CRACR2A: variants seen among roughly 807,000 people sequenced by gnomAD.
The protein encoded by CRACR2A is calcium release activated channel regulator 2A, also known as EF-hand calcium-binding domain-containing protein 4B.
Under a neutral mutation model 90.5 loss-of-function variants are expected in CRACR2A, and 79 were observed. The observed-to-expected ratio is 0.87, with a 90% CI of 0.73 to 1.05. The LOEUF (loss-of-function observed/expected upper bound fraction) is 1.05, where lower values mean the gene tolerates loss of function less well. Ranked by LOEUF, CRACR2A falls within the 50% of genes least tolerant of loss-of-function variation. CRACR2A has a pLI of 0.00. For missense variants in CRACR2A, 823 were observed against 897.2 expected, an observed-to-expected ratio of 0.92 and a Z score of 1.06; for synonymous variants, 338 against 356.7, an observed-to-expected ratio of 0.95 and a Z score of 0.59.
chr12:3,628,854 A>G (rs1425011898), intron 15 of CRACR2A, among the ~76,000 whole-genome samples: 1 of 152,164 alleles, frequency 6.6e-6, no homozygotes, highest in East Asian at 1.9e-4. Context: ...CAGTAAATGG[A>G]AACGGTCATC....
intron 4 of CRACR2A, among the ~76,000 whole-genome samples, chr12:3,682,121 A>T (rs55973127): frequency 0.1 from 15,219 of 152,258 alleles, 864 homozygotes; most frequent in African/African-American, 0.13. Context: ...AATAAGAAGC[A>T]TCACACCTGA....
chr12:3,659,791 T>C, intron 7 of CRACR2A, 137 bp from the exon 8 acceptor site: 1 of 673,360 alleles, frequency 1.5e-6, no homozygotes, highest in African/African-American at 1.8e-5. Flanking sequence ...CAGCCAACGC[T>C]ATAAGATCAG....
At chr12:3,724,167 C>T (rs950465934) in intron 2 of CRACR2A, among the ~76,000 whole-genome samples, 2 of 152,282 alleles carry the variant, frequency 1.3e-5, no homozygotes, top group Admixed American at 6.5e-5. Flanking sequence ...TTTCTCTACC[C>T]TTAAGGCCGT....
chr12:3,749,899 C>T (rs1946681010), intron 1 of CRACR2A, among the ~76,000 whole-genome samples: 1 of 151,198 alleles, frequency 6.6e-6, no homozygotes, highest in South Asian at 2.1e-4. Flanking sequence ...AATGCTAGAC[C>T]TGTCTATAGA....
intron 1 of CRACR2A, among the ~76,000 whole-genome samples, chr12:3,747,319 T>C (rs1055059109): frequency 1.3e-5 from 2 of 152,224 alleles, no homozygotes; most frequent in East Asian, 3.9e-4. Context: ...AGTTCATTTA[T>C]GCCAAACTCT....
chr12:3,656,679 C>T lies in CRACR2A; in HGVS notation c.763-273G>A, dbSNP rs148050143. 3.0e-3 allele frequency among the ~76,000 whole-genome samples: 460 copies of T among 152,158 alleles called. 1 individual carries two copies. The highest frequency in any genetic ancestry group is 0.012 in the South Asian group (58 of 4,818). On this transcript the variant is annotated intron_variant, in intron 8 of 19. Coordinates refer to ENST00000440314, the MANE Select transcript of CRACR2A (RefSeq NM_001144958.2). Reference sequence around the variant, plus strand: ...GACTGTGCACCACCACCCTCCTCTCCGCCAAAAAAGGGGCAGTGTCAGCCA... The same window carrying T: ...GACTGTGCACCACCACCCTCCTCTCTGCCAAAAAAGGGGCAGTGTCAGCCA...
In CRACR2A at chr12:3,633,367, A is replaced by G. The variant is rs1944407220; in HGVS notation, c.1735+237T>C. Among the ~76,000 whole-genome samples the G allele has an allele frequency of 6.6e-6, 1 of 152,158 alleles. No homozygotes were observed. The highest frequency in any genetic ancestry group is 2.4e-5 in the African/African-American group (1 of 41,430). On this transcript the variant is annotated intron_variant, in intron 15 of 19. Coordinates refer to ENST00000440314, the MANE Select transcript of CRACR2A (RefSeq NM_001144958.2). This position sits in a 1 kb window ranked among gnomAD's most constrained non-coding sequence, Gnocchi z 4.5. ...CATAAACCCAAGGTTGGACTTACAA[A>G]GTACTCAGGGGTCCCATCACACACA...
Position 3,746,323 on chromosome 12 carries a change from T to C in CRACR2A, c.-387+6692A>G, listed in dbSNP as rs534100963. 1.5e-4 allele frequency among the ~76,000 whole-genome samples: 23 copies of C among 151,624 alleles called. No individual in the cohort carries two copies. The South Asian group carries it at 4.8e-3, about 32-fold the overall frequency. The stretch of plus-strand genomic sequence containing the variant: ...GAGGGTGGGGCCCTCATGATGGGAT[T>C]AGTGCCCATCATGAAGAGACACCAG... On this transcript the variant is annotated intron_variant, in intron 1 of 19. Coordinates refer to ENST00000440314, the MANE Select transcript of CRACR2A (RefSeq NM_001144958.2). The surrounding 1 kb of genome is among the most constrained non-coding windows in gnomAD (Gnocchi z 4.4).
At chr12:3,740,492 C>A (rs1946508071) in intron 1 of CRACR2A, among the ~76,000 whole-genome samples, 1 of 152,126 alleles carries the variant, frequency 6.6e-6, no homozygotes. Context: ...GCCACTTAAC[C>A]CCTCTTATTT....
chr12:3,686,936 C>T (rs538170116), intron 4 of CRACR2A, among the ~76,000 whole-genome samples: 4 of 152,260 alleles, frequency 2.6e-5, no homozygotes, highest in African/African-American at 9.6e-5. Flanking sequence ...GAGTGTAGCA[C>T]ACATTGGGCT....
intron 1 of CRACR2A, among the ~76,000 whole-genome samples, chr12:3,743,147 T>C (rs1443331086): frequency 2.0e-5 from 3 of 152,262 alleles, no homozygotes; most frequent in Admixed American, 6.5e-5. Flanking sequence ...TTCAAACTTC[T>C]GTAAATAGGG....
At chr12:3,624,133 C>T (rs1258867812) in intron 17 of CRACR2A, among the ~76,000 whole-genome samples, 1 of 152,238 alleles carries the variant, frequency 6.6e-6, no homozygotes, top group Non-Finnish European at 1.5e-5. Flanking sequence ...CACACAACCT[C>T]TTCCAAGAGT....
chr12:3,680,670 T>G (rs1945431012), intron 4 of CRACR2A, among the ~76,000 whole-genome samples: 1 of 152,222 alleles, frequency 6.6e-6, no homozygotes, highest in South Asian at 2.1e-4. Flanking sequence ...CACTATTATC[T>G]CTGTTTTACA....
intron 5 of CRACR2A, 124 bp from the exon 6 acceptor site, chr12:3,679,222 TC>T: frequency 2.0e-6 from 2 of 985,110 alleles, no homozygotes; most frequent in Non-Finnish European, 2.9e-6. Flanking sequence ...GGAAAGCCCC[TC>T]CAGCAAAGAT....
chr12:3,702,034 A>G (rs1325019966), intron 3 of CRACR2A, among the ~76,000 whole-genome samples: 3 of 152,206 alleles, frequency 2.0e-5, no homozygotes, highest in Non-Finnish European at 4.4e-5. Context: ...AATGTAATTT[A>G]CCATATTAAC....
intron 1 of CRACR2A, among the ~76,000 whole-genome samples, chr12:3,748,342 T>G (rs1254912578): frequency 6.6e-6 from 1 of 151,808 alleles, no homozygotes. Context: ...TCACCCAGAG[T>G]CAGACTCCAC....
intron 10 of CRACR2A, among the ~76,000 whole-genome samples, chr12:3,653,542 C>T (rs1591659058): frequency 6.6e-6 from 1 of 152,312 alleles, no homozygotes; most frequent in East Asian, 1.9e-4. Flanking sequence ...AAGGTGCAGA[C>T]CCAGGCTTGA....
intron 4 of CRACR2A, among the ~76,000 whole-genome samples, chr12:3,695,471 TAG>T (rs1248447750): frequency 1.3e-5 from 2 of 152,224 alleles, no homozygotes; most frequent in East Asian, 1.9e-4. Flanking sequence ...GTGCAACAGT[TAG>T]AGAGTGGAAT....
At chr12:3,687,571 T>A (rs1462079652) in intron 4 of CRACR2A, among the ~76,000 whole-genome samples, 1 of 152,202 alleles carries the variant, frequency 6.6e-6, no homozygotes, top group Non-Finnish European at 1.5e-5. Flanking sequence ...TGTATATGTA[T>A]CAGATTTTCT....
Sources: allele counts gnomAD v4.1 joint callset (sites outside exome capture counted in the v4.1 genomes callset), GRCh38; gene constraint gnomAD v4.1.1; non-coding constraint Gnocchi (gnomAD v3.1); transcripts MANE v1.5; gene names NCBI Gene and HGNC (gene_info 2026-07-23, HGNC 2026-07-21).